Variants in RSRP1 observed in about 807,000 individuals in gnomAD.
RSRP1 encodes arginine and serine rich protein 1, also known as arginine/serine-rich protein 1.
RSRP1 carries 37 observed loss-of-function variants against 33.0 expected under a neutral mutation model. That is an observed-to-expected ratio of 1.12 (90% confidence interval 0.86 to 1.48). The LOEUF is 1.48. Ranked by LOEUF, RSRP1 falls within the 40% of genes most tolerant of loss-of-function variation. The probability of loss-of-function intolerance (pLI) is 0.00; values close to 1 mark genes in which losing one functional copy is unlikely to be tolerated. For missense variants in RSRP1, 402 were observed against 385.3 expected (o/e 1.04, Z -0.36); for synonymous variants, 167 against 158.7 (o/e 1.05, Z -0.40).
At chr1:25,261,435 C>A (rs962605585) in intron 1 of RSRP1, among the ~76,000 whole-genome samples, 3 of 148,388 alleles carry the variant, frequency 2.0e-5, no homozygotes, top group African/African-American at 7.4e-5. Flanking sequence ...GACAGAGTCT[C>A]ACTCTGTCAC....
At chr1:25,268,314 T>C (rs1252132326) in intron 1 of RSRP1, among the ~76,000 whole-genome samples, 1 of 130,468 alleles carries the variant, frequency 7.7e-6, no homozygotes, top group Non-Finnish European at 1.8e-5. Context: ...AGGTCAGGAG[T>C]TCGAGACCAG....
rs781770912 is a variant in RSRP1, at chr1:25,245,140, G to T, written c.672+10C>A. On this transcript the variant is annotated intron_variant, in intron 3 of 4. Coordinates refer to ENST00000243189, the MANE Select transcript of RSRP1 (RefSeq NM_020317.5). ...TGAAAGTTTTGTTCCGACAAACCTA[G>T]AATACTTACTTCAGGCTTTGCACCA... The T allele has an allele frequency of 1.9e-6, 3 of 1,614,060 alleles. No individual in the cohort carries two copies. The African/African-American group carries it at 4.0e-5, about 22-fold the overall frequency.
At chr1:25,246,235 T>G (rs927058359) in intron 2 of RSRP1, among the ~76,000 whole-genome samples, 21 of 152,172 alleles carry the variant, frequency 1.4e-4, no homozygotes, top group African/African-American at 5.1e-4. Context: ...GTTCCCTACA[T>G]CCTGAGCCAT....
At chr1:25,306,807 T>C (rs1474707068) in intron 1 of RSRP1, 2 of 1,246,862 alleles carry the variant, frequency 1.6e-6, no homozygotes, top group Non-Finnish European at 2.3e-6. Flanking sequence ...AGTCCTTAGC[T>C]GGGGCGTGTG....
chr1:25,244,775 C>T (rs1193547833), intron 3 of RSRP1: 1 of 1,030,400 alleles, frequency 9.7e-7, no homozygotes, highest in Non-Finnish European at 1.2e-6. Context: ...ACCTTAGCAT[C>T]CTAGGCTCAA....
Position 25,295,611 on chromosome 1 carries a change from G to A in RSRP1, c.-67+42367C>T, listed in dbSNP as rs540949957. On this transcript the variant is annotated intron_variant, in intron 1 of 1. Transcript: ENST00000561867. ...CAGTGGGTGGCAGAAGTGTAACGCA[G>A]GGAAAGAGACGAGCGGTCAAGGAGC... Among the ~76,000 whole-genome samples, 11 of 106,100 alleles carry A rather than the reference G, an allele frequency of 1.0e-4. No individual in the cohort carries two copies. The South Asian group carries it at 2.8e-3, about 27-fold the overall frequency. 69.6% of individuals were successfully genotyped at this position (106,100 alleles called of 152,430 possible). A position where few individuals can be genotyped will look rare whatever the true frequency, so the allele number is the denominator to read the frequency against.
intron 1 of RSRP1, chr1:25,253,962 G>C (rs546809952): frequency 6.6e-6 from 1 of 152,232 alleles, no homozygotes; most frequent in African/African-American, 2.4e-5. Context: ...AAGGAGCTCT[G>C]AGTGATTTTG....
At chr1:25,338,182 C>G (rs1571791393), upstream of RSRP1, 1 of 152,174 alleles carries the variant, frequency 6.6e-6, no homozygotes, top group African/African-American at 2.4e-5. Flanking sequence ...GCACTCCCGA[C>G]GTCCAGCTGT....
Position 25,303,569 on chromosome 1 carries a change from A to G in RSRP1, c.-67+34409T>C, listed in dbSNP as rs1643565987. ...AGCTGCATTAGGCAGGTGTCGGCGC[A>G]TTCTCTTATTGGCTTCAACGCCTAG... On this transcript the variant is annotated intron_variant, in intron 1 of 1. Transcript: ENST00000561867. The G allele has an allele frequency of 1.8e-6, 2 of 1,121,026 alleles. 1 individual carries two copies. The highest frequency in any genetic ancestry group is 2.6e-6 in the Non-Finnish European group (2 of 757,558). The allele number at this position is 1,121,026 out of a possible 1,614,324, so 69.4% of individuals were successfully genotyped here.
rs187861423 is a variant in RSRP1, at chr1:25,287,312, C to T, written c.-66-40283G>A. ...TGCCCCACAGTCTAGGGCTGCTCCC[C>T]TCATCTGATGTCCACAGGGACCTGT... On this transcript the variant is annotated intron_variant, in intron 1 of 1. Coordinates refer to the RSRP1 transcript ENST00000561867. Among the ~76,000 whole-genome samples, 54 of 134,304 alleles carry T rather than the reference C, an allele frequency of 4.0e-4. 9 individuals are homozygous for T. Among genetic ancestry groups the T allele is most frequent in the African/African-American group, 9.9e-4 (39 of 39,228 alleles). The allele number at this position is 134,304 out of a possible 152,430, so 88.1% of individuals were successfully genotyped here. A position where few individuals can be genotyped will look rare whatever the true frequency, so the allele number is the denominator to read the frequency against.
chr1:25,303,587 A>G (rs1167708726), intron 1 of RSRP1: 2 of 994,586 alleles, frequency 2.0e-6, no homozygotes, highest in African/African-American at 1.6e-5. Flanking sequence ...ATTGGCTTCA[A>G]CGCCTAGTGA....
At position 25,334,549 on chromosome 1, in the gene RSRP1, A is replaced by G. The variant is rs1169566733; in HGVS notation, c.-67+3429T>C. ...TCCACTAGGTGGTGCCCCAGTAGGGACTGTGTGTGGGGTCTCTGACCCCAC... is the reference window on the plus strand; with the variant it reads ...TCCACTAGGTGGTGCCCCAGTAGGGGCTGTGTGTGGGGTCTCTGACCCCAC... On this transcript the variant is annotated intron_variant, in intron 1 of 1. Coordinates refer to the RSRP1 transcript ENST00000561867. Among the ~76,000 whole-genome samples the G allele has an allele frequency of 1.5e-5, 2 of 132,338 alleles. 1 individual carries two copies. Among genetic ancestry groups the G allele is most frequent in the Non-Finnish European group, 3.6e-5 (2 of 55,760 alleles). 86.8% of individuals were successfully genotyped at this position (132,338 alleles called of 152,430 possible). A position where few individuals can be genotyped will look rare whatever the true frequency, so the allele number is the denominator to read the frequency against.
chr1:25,319,300 A>G (rs1399620029), intron 1 of RSRP1, among the ~76,000 whole-genome samples: 2 of 132,442 alleles, frequency 1.5e-5, no homozygotes, highest in African/African-American at 2.6e-5. Flanking sequence ...TCTTCTTTAC[A>G]TGTTGTTTTT....
chr1:25,291,608 G>C lies in RSRP1; in HGVS notation c.-66-44579C>G, dbSNP rs1329947280. ...TAACTACTACAGTATAATCCTGTAG[G>C]ATTGTGCTATTCATGATATAATTAT... On this transcript the variant is annotated intron_variant, in intron 1 of 1. Coordinates refer to the RSRP1 transcript ENST00000561867. Among the ~76,000 whole-genome samples the C allele has an allele frequency of 1.5e-5, 2 of 132,508 alleles. 1 individual carries two copies. Among genetic ancestry groups the C allele is most frequent in the Non-Finnish European group, 3.6e-5 (2 of 55,944 alleles). The allele number at this position is 132,508 out of a possible 152,430, so 86.9% of individuals were successfully genotyped here. A position where few individuals can be genotyped will look rare whatever the true frequency, so the allele number is the denominator to read the frequency against.
intron 1 of RSRP1, among the ~76,000 whole-genome samples, chr1:25,297,476 A>C (rs1830962): frequency 9.1e-6 from 1 of 110,062 alleles, no homozygotes; most frequent in Non-Finnish European, 2.2e-5. Context: ...CCTGTTGATC[A>C]TCCAACTTTC....
intron 1 of RSRP1, 44 bp from the exon 2 acceptor site, chr1:25,247,073 G>A (rs41303885): frequency 2.5e-6 from 3 of 1,202,074 alleles, no homozygotes; most frequent in African/African-American, 1.5e-5. Context: ...CGCGGAAGCC[G>A]GCGCCTGGCC....
At chr1:25,247,686 C>A (rs966758508), upstream of RSRP1, among the ~76,000 whole-genome samples, 1 of 152,158 alleles carries the variant, frequency 6.6e-6, no homozygotes, top group South Asian at 2.1e-4. Flanking sequence ...CTTGGCTTCC[C>A]CCCTGATCTG....
upstream of RSRP1, chr1:25,247,818 A>T (rs990591270): frequency 6.6e-6 from 1 of 152,456 alleles, no homozygotes; most frequent in African/African-American, 2.4e-5. Flanking sequence ...CCGGGCGGGG[A>T]GTAGGGCCGG....
rs572816077 is a variant in RSRP1 at position 25,290,860 on chromosome 1, A to G, written c.-66-43831T>C. The G allele has an allele frequency of 3.4e-3, 4,534 of 1,328,590 alleles. 615 individuals are homozygous for G. In the African/African-American group the frequency reaches 0.054, roughly 16 times the overall value. The allele number at this position is 1,328,590 out of a possible 1,614,324, so 82.3% of individuals were successfully genotyped here. A position where few individuals can be genotyped will look rare whatever the true frequency, so the allele number is the denominator to read the frequency against. On this transcript the variant is annotated intron_variant, in intron 1 of 1. Coordinates refer to the RSRP1 transcript ENST00000561867. Reference sequence around the variant, plus strand: ...AAAAGCTCCATTTGGTGGGGTTTCCAGGGTTTTGAAAAATAAAGACAACCT... The same window carrying G: ...AAAAGCTCCATTTGGTGGGGTTTCCGGGGTTTTGAAAAATAAAGACAACCT...
Sources: allele counts gnomAD v4.1 joint callset (sites outside exome capture counted in the v4.1 genomes callset), GRCh38; gene constraint gnomAD v4.1.1; transcripts MANE v1.5; gene names NCBI Gene and HGNC (gene_info 2026-07-23, HGNC 2026-07-21).